Variants in NPHS2 observed in about 807,000 individuals in gnomAD.
NPHS2 encodes the protein podocin.
A neutral mutation model predicts 37.1 loss-of-function variants in NPHS2; 36 were observed. That is an observed-to-expected ratio of 0.97 (90% CI 0.74 to 1.28). NPHS2 has a LOEUF of 1.28. Ranked by LOEUF, NPHS2 falls within the 50% of genes most tolerant of loss-of-function variation. The pLI, the probability that NPHS2 is intolerant of heterozygous loss-of-function variation, is 0.00. For missense variants in NPHS2, 447 were observed against 488.1 expected, an observed-to-expected ratio of 0.92 and a Z score of 0.79; for synonymous variants, 196 against 189.3, an observed-to-expected ratio of 1.04 and a Z score of -0.29.
At position 179,557,013 on chromosome 1, in the gene NPHS2, G is replaced by A. The variant is rs766516719; in HGVS notation, c.738+14C>T. 4 of 1,597,194 alleles carry A rather than the reference G, an allele frequency of 2.5e-6. No individual in the cohort carries two copies. The African/African-American group carries it at 5.4e-5, about 21-fold the overall frequency. ...AATATTTCAGCATATTGGCCATTATGTTTATCTAAGTACCTTTGCATCTTG... is the reference window on the plus strand; with the variant it reads ...AATATTTCAGCATATTGGCCATTATATTTATCTAAGTACCTTTGCATCTTG... On this transcript the variant is annotated intron_variant, in intron 5 of 7. Coordinates refer to ENST00000367615, the MANE Select transcript of NPHS2 (RefSeq NM_014625.4).
intron 4 of NPHS2, among the ~76,000 whole-genome samples, chr1:179,558,319 G>A (rs1674013362): frequency 6.6e-6 from 1 of 152,080 alleles, no homozygotes; most frequent in Non-Finnish European, 1.5e-5. Flanking sequence ...CATATGAGTA[G>A]GATCATACAG....
intron 1 of NPHS2, among the ~76,000 whole-genome samples, chr1:179,575,359 A>G (rs992620515): frequency 1.3e-5 from 2 of 152,062 alleles, no homozygotes; most frequent in African/African-American, 4.8e-5. Flanking sequence ...AGTCCCATCC[A>G]AGGCTGGCCC....
chr1:179,551,099 G>C lies in NPHS2; in HGVS notation c.*74C>G. 1.3e-6 allele frequency: 2 copies of C among 1,589,544 alleles called. No individual in the cohort carries two copies. The highest frequency in any genetic ancestry group is 4.5e-5 in the East Asian group (2 of 44,712). ...AACCAAAGGAAGGGCAGGGAATGAG[G>C]ACAGAGTGTCTCCCTCAGGCATGTG... On this transcript the variant is annotated 3_prime_UTR_variant, in exon 8 of 8. Coordinates refer to ENST00000367615, the MANE Select transcript of NPHS2 (RefSeq NM_014625.4).
At position 179,554,747 on chromosome 1, in the gene NPHS2, A is replaced by G. The variant is rs972907553; in HGVS notation, c.739-216T>C. The G allele has an allele frequency of 2.5e-5, 16 of 630,206 alleles. No homozygotes were observed. The East Asian group carries it at 4.2e-4, about 16-fold the overall frequency. The allele number at this position is 630,206 out of a possible 1,614,324, so 39.0% of individuals were successfully genotyped here. ...TCTGTGCAATTGAAGATGGTGTGGT[A>G]TGCTGAATAATGGTCCCCAAAGATA... On this transcript the variant is annotated intron_variant, in intron 5 of 7. Coordinates refer to ENST00000367615, the MANE Select transcript of NPHS2 (RefSeq NM_014625.4).
chr1:179,564,837 C>T, intron 1 of NPHS2, 44 bp from the exon 2 acceptor site: 1 of 1,443,640 alleles, frequency 6.9e-7, no homozygotes, highest in Non-Finnish European at 9.7e-7. Context: ...TGAAACTTCA[C>T]TGTATTCACT....
Position 179,551,468 on chromosome 1 carries a change from G to T in NPHS2, c.874-17C>A, listed in dbSNP as rs200406676. 6.2e-7 allele frequency: 1 copy of T among 1,612,474 alleles called. No homozygotes were observed. Among genetic ancestry groups the T allele is most frequent in the Non-Finnish European group, 8.5e-7 (1 of 1,179,998 alleles). ...AGCAATCATCTAGAAAACATGTGAC[G>T]AAAGCAAAGTGATTGTTCTTCATTC... On this transcript the variant is annotated splice_polypyrimidine_tract_variant and intron_variant, in intron 7 of 7. Coordinates refer to ENST00000367615, the MANE Select transcript of NPHS2 (RefSeq NM_014625.4).
chr1:179,569,543 T>C (rs1674473031), intron 1 of NPHS2, among the ~76,000 whole-genome samples: 1 of 152,162 alleles, frequency 6.6e-6, no homozygotes, highest in African/African-American at 2.4e-5. Flanking sequence ...CCACTTACAT[T>C]TAAGGTTAAT....
chr1:179,558,390 T>C (rs1276047675), intron 4 of NPHS2, among the ~76,000 whole-genome samples: 1 of 152,202 alleles, frequency 6.6e-6, no homozygotes, highest in African/African-American at 2.4e-5. Context: ...AAGGTTCATC[T>C]ATCTTGTAGA....
At chr1:179,565,096 T>A (rs1031814064) in intron 1 of NPHS2, among the ~76,000 whole-genome samples, 3 of 151,610 alleles carry the variant, frequency 2.0e-5, no homozygotes, top group Non-Finnish European at 4.4e-5. Flanking sequence ...CATAGTGAGA[T>A]CCTGTCTGTA....
At chr1:179,574,515 A>T (rs919250264) in intron 1 of NPHS2, among the ~76,000 whole-genome samples, 7 of 152,204 alleles carry the variant, frequency 4.6e-5, no homozygotes, top group African/African-American at 1.7e-4. Context: ...CTCAGCATTG[A>T]ACCCAGCAAC....
intron 3 of NPHS2, among the ~76,000 whole-genome samples, chr1:179,559,980 C>A (rs962038290): frequency 6.6e-6 from 1 of 152,154 alleles, no homozygotes; most frequent in Non-Finnish European, 1.5e-5. Flanking sequence ...TTATTCCCAG[C>A]AAACTGGGCT....
chr1:179,571,318 G>A (rs1452062619), intron 1 of NPHS2, among the ~76,000 whole-genome samples: 1 of 152,214 alleles, frequency 6.6e-6, no homozygotes, highest in Non-Finnish European at 1.5e-5. Flanking sequence ...CTAACAGTCA[G>A]GTCCCTCAGC....
At chr1:179,564,211 C>T (rs1674250830) in intron 2 of NPHS2, among the ~76,000 whole-genome samples, 1 of 152,214 alleles carries the variant, frequency 6.6e-6, no homozygotes, top group Admixed American at 6.5e-5. Context: ...AAATCTCTTG[C>T]TCCTCTAATT....
intron 6 of NPHS2, among the ~76,000 whole-genome samples, chr1:179,553,365 T>C (rs1207789154): frequency 1.3e-5 from 2 of 152,186 alleles, no homozygotes; most frequent in Admixed American, 1.3e-4. Context: ...TAAATGTCCA[T>C]CAGCTGATGA....
chr1:179,570,345 G>A (rs1348435312), intron 1 of NPHS2, among the ~76,000 whole-genome samples: 1 of 152,198 alleles, frequency 6.6e-6, no homozygotes, highest in Admixed American at 6.5e-5. Context: ...TTTATTAACA[G>A]CAAGCCAGTC....
Position 179,550,968 on chromosome 1 carries a change from A to G in NPHS2, c.*205T>C. 1.6e-6 allele frequency: 1 copy of G among 632,552 alleles called. No individual in the cohort carries two copies. The highest frequency in any genetic ancestry group is 2.8e-6 in the Non-Finnish European group (1 of 361,868). The allele number at this position is 632,552 out of a possible 1,614,324, so 39.2% of individuals were successfully genotyped here. On this transcript the variant is annotated 3_prime_UTR_variant, in exon 8 of 8. Coordinates refer to ENST00000367615, the MANE Select transcript of NPHS2 (RefSeq NM_014625.4). ...TTCCCATAATTGCTCTGACTAGATG[A>G]GTCACGGAAACATGTTGTCTGCCTT... is the stretch of plus-strand genomic sequence containing the variant.
intron 1 of NPHS2, among the ~76,000 whole-genome samples, chr1:179,572,263 C>T (rs1162155969): frequency 6.6e-6 from 1 of 152,188 alleles, no homozygotes; most frequent in Non-Finnish European, 1.5e-5. Context: ...GAAATAACTT[C>T]CCCATTCATT....
chr1:179,561,689 C>A (rs567177426), intron 2 of NPHS2, among the ~76,000 whole-genome samples: 2 of 152,094 alleles, frequency 1.3e-5, no homozygotes, highest in Non-Finnish European at 2.9e-5. Context: ...TCTGCACTAG[C>A]TTTTATATGT....
rs776016821 is a variant in NPHS2 at position 179,575,606 on chromosome 1, C to A, written c.259G>T (p.Glu87Ter). 3.1e-6 allele frequency: 5 copies of A among 1,602,298 alleles called. No individual in the cohort carries two copies. The highest frequency in any genetic ancestry group is 4.2e-6 in the Non-Finnish European group (5 of 1,179,852). ...GAATCCGTACCTTCCTCGGGCCGCT[C>A]GCTCTCCAACAGCGCCACCACCTCG... ...GTEVVALLES[E>*]RPEEGTKSSG... Residue 87 changes from glutamate (E) to a stop codon, truncating the protein, a stop_gained, in exon 1 of 8, where the codon GAG becomes TAG. Transcript: ENST00000367615. LOFTEE classifies it high-confidence loss of function.
Sources: allele counts gnomAD v4.1 joint callset (sites outside exome capture counted in the v4.1 genomes callset), GRCh38; gene constraint gnomAD v4.1.1; transcripts MANE v1.5; gene names NCBI Gene and HGNC (gene_info 2026-07-23, HGNC 2026-07-21).